RIC3: variants seen among roughly 807,000 people sequenced by gnomAD.
RIC3 encodes RIC3 acetylcholine receptor chaperone.
In RIC3, 28 loss-of-function variants were observed where a neutral mutation model predicts 27.3. The ratio of observed to expected loss-of-function variants is 1.02; its 90% CI spans 0.76 to 1.41. The LOEUF is 1.41. Ranked by LOEUF, RIC3 falls within the 40% of genes most tolerant of loss-of-function variation. The pLI is 0.00. For synonymous variants in RIC3, 184 were observed against 160.4 expected (o/e 1.15, Z -1.11); for missense variants, 501 against 444.7 (o/e 1.13, Z -1.14).
chr11:8,133,872 C>G (rs919188748), intron 4 of RIC3, among the ~76,000 whole-genome samples: 19 of 152,084 alleles, frequency 1.2e-4, no homozygotes, highest in African/African-American at 4.3e-4. Context: ...TGTTACTCAA[C>G]AGTAAATAAT....
chr11:8,148,747 G>A (rs572948131), intron 1 of RIC3, among the ~76,000 whole-genome samples: 17 of 152,120 alleles, frequency 1.1e-4, no homozygotes, highest in African/African-American at 4.1e-4. Flanking sequence ...TTCCCACATG[G>A]AACAATGCCT....
chr11:8,139,709 A>G, intron 2 of RIC3: 1 of 426,514 alleles, frequency 2.3e-6, no homozygotes, highest in African/African-American at 2.0e-5. Context: ...TAAGAACCAA[A>G]AGATCCATGT....
At chr11:8,098,874 A>G in the RIC3 span, 1 of 1,610,468 alleles carries the variant, frequency 6.2e-7, no homozygotes, top group Non-Finnish European at 8.5e-7. Flanking sequence ...GCTGTGTGCT[A>G]CGTGAGTCCT....
chr11:8,144,952 T>G (rs1949510394), intron 1 of RIC3, among the ~76,000 whole-genome samples: 1 of 137,458 alleles, frequency 7.3e-6, no homozygotes, highest in African/African-American at 2.7e-5. Flanking sequence ...ACACCGCATA[T>G]TCTCACTCAT....
the RIC3 span, chr11:8,100,700 T>C: frequency 2.0e-5 from 28 of 1,383,020 alleles, no homozygotes; most frequent in Middle Eastern, 1.9e-4. Context: ...TGTGGAGGGG[T>C]ACCATGTGAG....
chr11:8,119,137 G>A (rs557246122), intron 5 of RIC3, among the ~76,000 whole-genome samples: 3 of 152,180 alleles, frequency 2.0e-5, no homozygotes, highest in Non-Finnish European at 4.4e-5. Context: ...TTTAGCTGAA[G>A]AAAGCCTTGA....
downstream of RIC3, chr11:8,105,871 TAGGA>T (rs1213835987): frequency 6.6e-6 from 1 of 151,996 alleles, no homozygotes; most frequent in Non-Finnish European, 1.5e-5. Context: ...GAACGCAACT[TAGGA>T]TGGCTAGGAA....
chr11:8,114,777 T>C (rs943849064), intron 5 of RIC3, among the ~76,000 whole-genome samples: 1 of 150,418 alleles, frequency 6.6e-6, no homozygotes, highest in African/African-American at 2.5e-5. Flanking sequence ...TACGAGAGAT[T>C]GAAATTATAT....
chr11:8,165,929 C>A (rs1951656808), intron 1 of RIC3, among the ~76,000 whole-genome samples: 1 of 151,780 alleles, frequency 6.6e-6, no homozygotes, highest in African/African-American at 2.4e-5. Context: ...CAGGTGCACA[C>A]CACCATGCCC....
chr11:8,141,372 T>C (rs150341446), intron 1 of RIC3, among the ~76,000 whole-genome samples: 138 of 151,622 alleles, frequency 9.1e-4, no homozygotes, highest in Non-Finnish European at 1.5e-3. Context: ...AAGGCAGGGG[T>C]TGCAGTCCTA....
chr11:8,140,309 T>A, intron 1 of RIC3, 116 bp from the exon 2 acceptor site: 1 of 913,012 alleles, frequency 1.1e-6, no homozygotes, highest in African/African-American at 1.7e-5. Context: ...AAGAAAAAAA[T>A]GGCAACTTAA....
intron 5 of RIC3, among the ~76,000 whole-genome samples, chr11:8,118,705 T>C (rs1222404227): frequency 6.6e-6 from 1 of 151,594 alleles, no homozygotes; most frequent in Non-Finnish European, 1.5e-5. Flanking sequence ...CTGTCTCTAC[T>C]AAAAATACAA....
At chr11:8,101,377 G>C, downstream of RIC3, 2 of 1,387,904 alleles carry the variant, frequency 1.4e-6, no homozygotes, top group Admixed American at 1.8e-5. Context: ...TGGCATCTCT[G>C]CTTCTCACTT....
At chr11:8,161,906 A>G (rs976427854) in intron 1 of RIC3, among the ~76,000 whole-genome samples, 1 of 143,500 alleles carries the variant, frequency 7.0e-6, no homozygotes, top group Non-Finnish European at 1.5e-5. Flanking sequence ...TATAAATGAG[A>G]CACTCACTTT....
At chr11:8,140,257 C>A in intron 1 of RIC3, 64 bp from the exon 2 acceptor site, 1 of 1,434,382 alleles carries the variant, frequency 7.0e-7, no homozygotes, top group Non-Finnish European at 9.4e-7. Context: ...CATGAAAACA[C>A]CAAATCATTA....
the RIC3 span, chr11:8,100,870 G>T: frequency 6.2e-7 from 1 of 1,614,166 alleles, no homozygotes; most frequent in African/African-American, 1.3e-5. Flanking sequence ...AGAACACGGA[G>T]AGTATCATCG....
intron 1 of RIC3, among the ~76,000 whole-genome samples, chr11:8,146,520 G>A (rs938067488): frequency 1.3e-5 from 2 of 150,270 alleles, no homozygotes; most frequent in African/African-American, 2.5e-5. Flanking sequence ...TTAAGTTGTC[G>A]ATGAAGAGTC....
At chr11:8,101,895 G>GC, downstream of RIC3, 1 of 455,132 alleles carries the variant, frequency 2.2e-6, no homozygotes, top group South Asian at 3.1e-5. Context: ...TGGGGTAGTA[G>GC]TGTGTTGTAG....
chr11:8,164,781 CAAAAAAA>C (rs199958835), intron 1 of RIC3, among the ~76,000 whole-genome samples: 5 of 84,232 alleles, frequency 5.9e-5, no homozygotes, highest in Non-Finnish European at 1.1e-4. Flanking sequence ...CTGTCTCTCT[CAAAAAAA>C]AAAAAAAAAA....
Sources: gnomAD v4.1 joint callset for allele counts (sites outside exome capture counted in the v4.1 genomes callset) on GRCh38, gnomAD v4.1.1 for gene constraint, MANE v1.5 for transcripts, NCBI Gene and HGNC (gene_info 2026-07-23, HGNC 2026-07-21) for gene names.